Variants in TFCP2 observed in about 807,000 individuals in gnomAD.
TFCP2 encodes the protein alpha-globin transcription factor CP2.
In TFCP2, 33 loss-of-function variants were observed where a neutral mutation model predicts 73.4. That is an observed-to-expected ratio of 0.45 (90% CI 0.34 to 0.60). The LOEUF (loss-of-function observed/expected upper bound fraction) is 0.60, where lower values mean the gene tolerates loss of function less well. Ranked by LOEUF, TFCP2 falls within the 20% of genes least tolerant of loss-of-function variation. The pLI is 0.01. For missense variants in TFCP2, 352 were observed against 604.0 expected (o/e 0.58, Z 4.37); for synonymous variants, 193 against 211.6 (o/e 0.91, Z 0.76).
chr12:51,111,132 TG>T lies in TFCP2; in HGVS notation c.458-150del, dbSNP rs1592795858. ...CTTTGTTTTTTTTTTTTGTCGTTGT[TG>T]TTGTTTTTTATGGAGTCTTGTTCTG... is the stretch of plus-strand genomic sequence containing the variant. On this transcript the variant is annotated intron_variant, in intron 4 of 14. Transcript: ENST00000257915. 1.3e-5 allele frequency: 8 copies of T among 611,854 alleles called. No homozygotes were observed. In the East Asian group the frequency reaches 2.0e-4, roughly 16 times the overall value. The allele number at this position is 611,854 out of a possible 1,614,324, so 37.9% of individuals were successfully genotyped here.
chr12:51,137,874 T>C (rs555814478), intron 1 of TFCP2, among the ~76,000 whole-genome samples: 10 of 152,350 alleles, frequency 6.6e-5, no homozygotes, highest in African/African-American at 2.4e-4. Flanking sequence ...TTTATAGTGC[T>C]GAGCCTCAAA....
chr12:51,102,742 A>C (rs1940140620), intron 10 of TFCP2, among the ~76,000 whole-genome samples: 1 of 152,036 alleles, frequency 6.6e-6, no homozygotes, highest in African/African-American at 2.4e-5. Context: ...ATATATAAAT[A>C]AATCCTGGAT....
chr12:51,107,345 G>T lies in TFCP2; in HGVS notation c.719C>A (p.Pro240His). ...TTTTTGCTTTCTGTCTGCACCTTTG[G>T]GCTGAAATGAGAAATATTTTGTTTT... ...SASCQIKVFK[P>H]KGADRKQKTD... The change falls in exon 7 of 15, where the codon CCC becomes CAC. Residue 240 changes from proline (P) to histidine (H), a missense_variant and splice_region_variant. Around this residue, in one of 6 missense-constraint regions of TFCP2, gnomAD observed 47 missense variants for 89.1 expected, o/e 0.53. Transcript: ENST00000257915. 2 of 1,606,296 alleles carry T rather than the reference G, an allele frequency of 1.2e-6. No individual in the cohort carries two copies. The highest frequency in any genetic ancestry group is 1.7e-6 in the Non-Finnish European group (2 of 1,177,780).
At chr12:51,125,342 A>T in intron 1 of TFCP2, 1 of 504,778 alleles carries the variant, frequency 2.0e-6, no homozygotes, top group Admixed American at 2.2e-5. Context: ...GGCAGAGTTC[A>T]CAGGTCTCCT....
intron 1 of TFCP2, among the ~76,000 whole-genome samples, chr12:51,166,414 A>G (rs1293192564): frequency 2.6e-5 from 4 of 152,052 alleles, no homozygotes; most frequent in Non-Finnish European, 5.9e-5. Flanking sequence ...AAAAAAAAGG[A>G]AAGAAAAAAA....
At chr12:51,151,217 T>C (rs1392975729) in intron 1 of TFCP2, among the ~76,000 whole-genome samples, 1 of 152,186 alleles carries the variant, frequency 6.6e-6, no homozygotes. Context: ...GTATATTCAA[T>C]GGCTGGAGGA....
chr12:51,130,928 CA>C (rs996847763), intron 1 of TFCP2, among the ~76,000 whole-genome samples: 15 of 151,362 alleles, frequency 9.9e-5, no homozygotes, highest in Admixed American at 7.9e-4. Flanking sequence ...GCAGGGGTTG[CA>C]GTGAGCCGAG....
At chr12:51,142,937 A>G (rs1941222192) in intron 1 of TFCP2, among the ~76,000 whole-genome samples, 1 of 152,086 alleles carries the variant, frequency 6.6e-6, no homozygotes, top group Non-Finnish European at 1.5e-5. Flanking sequence ...TTCTGTTTTC[A>G]GGAGCACTCA....
intron 1 of TFCP2, among the ~76,000 whole-genome samples, chr12:51,127,559 A>C (rs553520541): frequency 6.6e-6 from 1 of 152,224 alleles, no homozygotes; most frequent in South Asian, 2.1e-4. Flanking sequence ...AAAGGTAAGG[A>C]AGGCACAGGC....
Position 51,099,774 on chromosome 12 carries a change from A to C in TFCP2, c.1157T>G (p.Val386Gly). Residue 386 changes from valine (V) to glycine (G), a missense_variant, in exon 12 of 15, where the codon GTG (valine) becomes GGG (glycine). This residue lies in a region of TFCP2 where 194 missense variants were observed against 256.3 expected (regional missense o/e 0.76). Coordinates refer to ENST00000257915, the MANE Select transcript of TFCP2 (RefSeq NM_005653.5). ...AACATAAATGGTTAACCTTGGACGC[A>C]CCATCCTAAGGGGAGGAAAAAGGCT... ...RLFNALKGRM[V>G]RPRLTIYVCQ... The C allele has an allele frequency of 6.2e-7, 1 of 1,614,160 alleles. No individual in the cohort carries two copies. The highest frequency in any genetic ancestry group is 8.5e-7 in the Non-Finnish European group (1 of 1,180,020).
chr12:51,111,107 C>T, intron 4 of TFCP2, 124 bp from the exon 5 acceptor site: 2 of 588,358 alleles, frequency 3.4e-6, no homozygotes, highest in Non-Finnish European at 5.7e-6. Flanking sequence ...TCCTAAATTT[C>T]TTTGTTTTTT....
chr12:51,095,762 C>T (rs1376622298), intron 14 of TFCP2, among the ~76,000 whole-genome samples: 1 of 133,080 alleles, frequency 7.5e-6, no homozygotes, highest in Admixed American at 9.1e-5. Flanking sequence ...TGTAGTGAGC[C>T]GAGATCATGC....
At chr12:51,098,678 C>T in intron 13 of TFCP2, 98 bp downstream of exon 13, 1 of 1,383,588 alleles carries the variant, frequency 7.2e-7, no homozygotes, top group Admixed American at 2.2e-5. Context: ...ACCCTCTGAT[C>T]TAGAAAACAG....
Position 51,093,918 on chromosome 12 carries a change from G to A in TFCP2, c.*1323C>T, listed in dbSNP as rs576564276. 2.7e-5 allele frequency: 4 copies of A among 149,884 alleles called. No homozygotes were observed. The highest frequency in any genetic ancestry group is 9.8e-5 in the African/African-American group (4 of 40,642). The allele number at this position is 149,884 out of a possible 1,614,324, so 9.3% of individuals were successfully genotyped here. A position where few individuals can be genotyped will look rare whatever the true frequency, so the allele number is the denominator to read the frequency against. On this transcript the variant is annotated 3_prime_UTR_variant, in exon 15 of 15. Transcript: ENST00000257915. ...ATCTTTGTGTACCTCAACATAACCT[G>A]TAAAAGTATTTCTAGATAAAACTTT...
chr12:51,111,584 G>A (rs7964570), intron 4 of TFCP2, among the ~76,000 whole-genome samples: 23,244 of 152,056 alleles, frequency 0.15, 2,109 homozygotes, highest in South Asian at 0.26. Context: ...GGCCAGGCAC[G>A]GTGGCTCACA....
intron 10 of TFCP2, among the ~76,000 whole-genome samples, chr12:51,103,025 G>A (rs764681789): frequency 6.6e-6 from 1 of 151,720 alleles, no homozygotes; most frequent in African/African-American, 2.4e-5. Context: ...GCTCATACCT[G>A]TAATCCCAGC....
At chr12:51,142,187 G>C (rs561583128) in intron 1 of TFCP2, among the ~76,000 whole-genome samples, 1 of 109,246 alleles carries the variant, frequency 9.2e-6, no homozygotes, top group African/African-American at 3.6e-5. Flanking sequence ...CTGGGTGACA[G>C]AGCAAGACTC....
At chr12:51,162,165 G>C (rs1230550750) in intron 1 of TFCP2, among the ~76,000 whole-genome samples, 1 of 152,100 alleles carries the variant, frequency 6.6e-6, no homozygotes, top group Admixed American at 6.6e-5. Context: ...AGGAACAGAG[G>C]CTGGGCACAG....
chr12:51,118,810 A>C, intron 1 of TFCP2, 38 bp from the exon 2 acceptor site: 1 of 1,609,206 alleles, frequency 6.2e-7, no homozygotes, highest in Admixed American at 1.7e-5. Flanking sequence ...ATACCTGGCA[A>C]TGGTGCAAAC....
Sources: allele counts gnomAD v4.1 joint callset (sites outside exome capture counted in the v4.1 genomes callset), GRCh38; gene constraint gnomAD v4.1.1; regional missense constraint gnomAD v4.1.1; transcripts MANE v1.5; gene names NCBI Gene and HGNC (gene_info 2026-07-23, HGNC 2026-07-21).